TNRC6B: variants seen among roughly 807,000 people sequenced by gnomAD.
The protein encoded by TNRC6B is trinucleotide repeat containing adaptor 6B.
In TNRC6B, 52 loss-of-function variants were observed where a neutral mutation model predicts 203.6. The ratio of observed to expected loss-of-function variants is 0.26; its 90% CI spans 0.20 to 0.32. The LOEUF (loss-of-function observed/expected upper bound fraction) is 0.32, where lower values mean the gene tolerates loss of function less well. Ranked by LOEUF, TNRC6B falls within the 10% of genes least tolerant of loss-of-function variation. The pLI is 1.00. For synonymous variants in TNRC6B, 838 were observed against 845.7 expected, an observed-to-expected ratio of 0.99 and a Z score of 0.16; for missense variants, 1,923 against 2,286.2, an observed-to-expected ratio of 0.84 and a Z score of 3.24.
At chr22:40,103,246 C>T (rs530329370) in intron 1 of TNRC6B, among the ~76,000 whole-genome samples, 9 of 150,100 alleles carry the variant, frequency 6.0e-5, no homozygotes, top group South Asian at 2.1e-4. Context: ...CCAGCCTGGG[C>T]GACAGAATGA....
At chr22:40,127,957 A>G (rs1361282500) in intron 3 of TNRC6B, among the ~76,000 whole-genome samples, 1 of 152,220 alleles carries the variant, frequency 6.6e-6, no homozygotes, top group East Asian at 1.9e-4. Context: ...GTGAACATGT[A>G]ATTAGACTGG....
chr22:40,073,123 CACAT>C (rs1231940729), intron 1 of TNRC6B, among the ~76,000 whole-genome samples: 1 of 150,050 alleles, frequency 6.7e-6, no homozygotes, highest in Non-Finnish European at 1.5e-5. Flanking sequence ...CCACACCCTA[CACAT>C]ACATAGGGCC....
At chr22:40,294,598 A>C (rs1171983851) in intron 12 of TNRC6B, among the ~76,000 whole-genome samples, 2 of 152,222 alleles carry the variant, frequency 1.3e-5, no homozygotes, top group South Asian at 4.1e-4. Flanking sequence ...GCTAACTGAG[A>C]TGAATTTAGG....
chr22:40,286,968 G>C (rs917898722), intron 12 of TNRC6B, among the ~76,000 whole-genome samples: 7 of 152,136 alleles, frequency 4.6e-5, no homozygotes, highest in Admixed American at 6.6e-5. Flanking sequence ...GATCCAACCA[G>C]CAGGTTGTAA....
chr22:40,104,298 C>T (rs558882162), intron 1 of TNRC6B, among the ~76,000 whole-genome samples: 4 of 152,110 alleles, frequency 2.6e-5, no homozygotes, highest in Non-Finnish European at 2.9e-5. Context: ...TTGAGCCCTA[C>T]AGTAGCCTTA....
At chr22:40,062,661 A>G (rs1043640173) in intron 1 of TNRC6B, among the ~76,000 whole-genome samples, 1 of 152,144 alleles carries the variant, frequency 6.6e-6, no homozygotes, top group Non-Finnish European at 1.5e-5. Context: ...ATTGTCAGCT[A>G]TCCTACTGGG....
intron 1 of TNRC6B, among the ~76,000 whole-genome samples, chr22:40,095,265 T>C (rs1358351513): frequency 1.3e-5 from 2 of 152,226 alleles, no homozygotes; most frequent in Admixed American, 1.3e-4. Flanking sequence ...TATTTTTTCC[T>C]ACACACCAGA....
intron 1 of TNRC6B, among the ~76,000 whole-genome samples, chr22:40,052,944 GA>G (rs2067762371): frequency 6.6e-6 from 1 of 152,042 alleles, no homozygotes; most frequent in African/African-American, 2.4e-5. Flanking sequence ...TTTCTAGTTA[GA>G]AACTGAAATG....
intron 1 of TNRC6B, among the ~76,000 whole-genome samples, chr22:40,224,197 G>T (rs1376536452): frequency 6.6e-6 from 1 of 152,054 alleles, no homozygotes; most frequent in Non-Finnish European, 1.5e-5. Flanking sequence ...TAGAGACGGG[G>T]TTTCAACATG....
At chr22:40,185,492 T>C (rs1264184074) in intron 1 of TNRC6B, among the ~76,000 whole-genome samples, 3 of 152,132 alleles carry the variant, frequency 2.0e-5, no homozygotes, top group Non-Finnish European at 4.4e-5. Context: ...TTAACTGTGT[T>C]GATCAGAGAA....
chr22:40,204,982 T>C (rs1349190932), intron 1 of TNRC6B, among the ~76,000 whole-genome samples: 2 of 152,202 alleles, frequency 1.3e-5, no homozygotes, highest in African/African-American at 4.8e-5. Flanking sequence ...TTACTGAACA[T>C]CATGGTTTAG....
chr22:40,112,749 G>C (rs1385610762), intron 1 of TNRC6B, among the ~76,000 whole-genome samples: 1 of 152,222 alleles, frequency 6.6e-6, no homozygotes, highest in African/African-American at 2.4e-5. Flanking sequence ...GATAGGGACA[G>C]AAATCAAGTT....
chr22:40,313,036 T>G, intron 19 of TNRC6B, 39 bp downstream of exon 19: 3 of 1,509,840 alleles, frequency 2.0e-6, no homozygotes, highest in Non-Finnish European at 2.7e-6. Flanking sequence ...TGGTTAGCAC[T>G]TTTTCATCAG....
chr22:40,148,277 C>T (rs1473772775), intron 3 of TNRC6B, among the ~76,000 whole-genome samples: 1 of 149,332 alleles, frequency 6.7e-6, no homozygotes, highest in Non-Finnish European at 1.5e-5. Context: ...CGTTGGAAAA[C>T]AGTTTCTTTT....
rs1321815973 is a variant in TNRC6B, at chr22:40,163,529, G to A, written c.113+7347G>A. Among the ~76,000 whole-genome samples the A allele has an allele frequency of 3.4e-5, 5 of 146,492 alleles. No homozygotes were observed. The East Asian group carries it at 6.1e-4, about 18-fold the overall frequency. On this transcript the variant is annotated intron_variant, in intron 4 of 23. Coordinates refer to the TNRC6B transcript ENST00000301923. Reference sequence around the variant, plus strand: ...TGTAATCCCAGCACTTTGGGAGGCCGAGGCGGGCAGATCACCTGAGGTCAG... The same window carrying A: ...TGTAATCCCAGCACTTTGGGAGGCCAAGGCGGGCAGATCACCTGAGGTCAG...
chr22:40,315,947 A>G lies in TNRC6B; in HGVS notation c.4909A>G (p.Thr1637Ala), dbSNP rs757770835. The stretch of plus-strand genomic sequence containing the variant: ...ATTTTTCTGGTTGCTCATAGCCTCT[A>G]CCTGGAGTGATGGTGGCTCAGTTCG... The part of the protein sequence containing the change: ...TQDSRLASAS[T>A]WSDGGSVRPS... The change falls in exon 21 of 23, where the codon ACC (threonine) becomes GCC (alanine). Residue 1637 changes from threonine (T) to alanine (A), a missense_variant. Transcript: ENST00000454349. 5 of 1,613,716 alleles carry G rather than the reference A, an allele frequency of 3.1e-6. No homozygotes were observed. Among genetic ancestry groups the G allele is most frequent in the Admixed American group, 1.7e-5 (1 of 59,996 alleles).
chr22:40,272,772 T>C (rs1427524133), intron 6 of TNRC6B, among the ~76,000 whole-genome samples: 1 of 152,232 alleles, frequency 6.6e-6, no homozygotes, highest in Non-Finnish European at 1.5e-5. Flanking sequence ...TTTCCTTCTG[T>C]CTTTTCAAAA....
intron 2 of TNRC6B, among the ~76,000 whole-genome samples, chr22:40,249,282 A>G (rs1014774202): frequency 6.6e-6 from 1 of 152,236 alleles, no homozygotes; most frequent in African/African-American, 2.4e-5. Context: ...TAATAAGTGA[A>G]TGGTCAAGAA....
chr22:40,107,002 CT>C lies in TNRC6B; in HGVS notation c.-120-10047del, dbSNP rs112088383. 17,728 of 1,171,232 alleles carry C rather than the reference CT, an allele frequency of 0.015. 1,404 individuals are homozygous for C. The African/African-American group carries it at 0.19, about 13-fold the overall frequency. 72.6% of individuals were successfully genotyped at this position (1,171,232 alleles called of 1,614,324 possible). On this transcript the variant is annotated intron_variant, in intron 1 of 23. Coordinates refer to the TNRC6B transcript ENST00000301923. ...TCTTCAGCTCTGCAAAATTCCTTCA[CT>C]TTTTTCTTAAGGATTTCTGGCACAG...
Sources: gnomAD v4.1 joint callset for allele counts (sites outside exome capture counted in the v4.1 genomes callset) on GRCh38, gnomAD v4.1.1 for gene constraint, MANE v1.5 for transcripts, NCBI Gene and HGNC (gene_info 2026-07-23, HGNC 2026-07-21) for gene names.